The following ZFPM2 variants were observed in gnomAD, a reference collection of about 807,000 sequenced individuals.
ZFPM2 encodes the protein zinc finger protein ZFPM2.
A neutral mutation model predicts 98.6 loss-of-function variants in ZFPM2; 20 were observed. That is an observed-to-expected ratio of 0.20 (90% CI 0.14 to 0.29). ZFPM2 has a LOEUF of 0.29. Ranked by LOEUF, ZFPM2 falls within the 10% of genes least tolerant of loss-of-function variation. The pLI is 1.00. For missense variants in ZFPM2, 1,310 were observed against 1,388.6 expected (o/e 0.94, Z 0.90); for synonymous variants, 518 against 502.7 (o/e 1.03, Z -0.41).
At chr8:105,590,918 T>C (rs567039102) in intron 4 of ZFPM2, among the ~76,000 whole-genome samples, 5 of 152,316 alleles carry the variant, frequency 3.3e-5, no homozygotes, top group Non-Finnish European at 7.4e-5. Context: ...ATAGTATTAG[T>C]AGTTTGGGAC....
chr8:105,343,166 A>T lies in ZFPM2; in HGVS notation c.40+24185A>T, dbSNP rs537240773. On this transcript the variant is annotated intron_variant, in intron 1 of 7. Coordinates refer to ENST00000407775, the MANE Select transcript of ZFPM2 (RefSeq NM_012082.4). ...GATTTTGGTTTAAAAAATCAACTTT[A>T]TTAAGTACAGGATGGGAAAATGAAC... Among the ~76,000 whole-genome samples, 11 of 152,266 alleles carry T rather than the reference A, an allele frequency of 7.2e-5. No individual in the cohort carries two copies. The South Asian group carries it at 2.3e-3, about 32-fold the overall frequency.
intron 1 of ZFPM2, among the ~76,000 whole-genome samples, chr8:105,327,006 TA>T (rs200223447): frequency 2.2e-3 from 335 of 151,694 alleles, no homozygotes; most frequent in African/African-American, 7.5e-3. Context: ...AAATTATTTT[TA>T]AATGGGCATT....
At chr8:105,531,445 T>C (rs1419883747) in intron 3 of ZFPM2, among the ~76,000 whole-genome samples, 4 of 152,148 alleles carry the variant, frequency 2.6e-5, no homozygotes, top group Non-Finnish European at 4.4e-5. Context: ...TAGCATTCTC[T>C]GTGTGTCTTT....
At chr8:105,756,873 T>C (rs1812611910) in intron 5 of ZFPM2, among the ~76,000 whole-genome samples, 1 of 152,140 alleles carries the variant, frequency 6.6e-6, no homozygotes, top group African/African-American at 2.4e-5. Context: ...GAGAGACAGA[T>C]GTCGGGTGCA....
At chr8:105,644,567 TTCTC>T (rs1418656673) in intron 5 of ZFPM2, among the ~76,000 whole-genome samples, 1 of 152,036 alleles carries the variant, frequency 6.6e-6, no homozygotes, top group Non-Finnish European at 1.5e-5. Context: ...ATTTCTCTCT[TTCTC>T]TCCCTGTTTC....
intron 5 of ZFPM2, among the ~76,000 whole-genome samples, chr8:105,664,321 TTG>T (rs148523592): frequency 0.33 from 47,620 of 144,326 alleles, 8,507 homozygotes; most frequent in East Asian, 0.62. Context: ...CATAAAATTC[TTG>T]TGTGTGTGTG....
intron 5 of ZFPM2, among the ~76,000 whole-genome samples, chr8:105,636,559 C>G (rs974101671): frequency 1.3e-5 from 2 of 152,096 alleles, no homozygotes; most frequent in African/African-American, 4.8e-5. Flanking sequence ...AAAAGTTTAG[C>G]TGTGATGGCT....
intron 3 of ZFPM2, among the ~76,000 whole-genome samples, chr8:105,463,897 G>T (rs966679692): frequency 6.6e-6 from 1 of 151,992 alleles, no homozygotes; most frequent in African/African-American, 2.4e-5. Flanking sequence ...CCAACATATT[G>T]TAAGTGAACT....
chr8:105,649,694 C>T lies in ZFPM2; in HGVS notation c.532+15337C>T, dbSNP rs559461123. On this transcript the variant is annotated intron_variant, in intron 5 of 7. Coordinates refer to ENST00000407775, the MANE Select transcript of ZFPM2 (RefSeq NM_012082.4). Reference sequence around the variant, plus strand: ...ATGCTGGATTACATTTATTGATTTGCGTATGTTGAACCAGCCTTGCATCCC... The same window carrying T: ...ATGCTGGATTACATTTATTGATTTGTGTATGTTGAACCAGCCTTGCATCCC... Among the ~76,000 whole-genome samples, 19 of 152,196 alleles carry T rather than the reference C, an allele frequency of 1.2e-4. No homozygotes were observed. In the South Asian group the frequency reaches 1.5e-3, roughly 12 times the overall value.
intron 3 of ZFPM2, among the ~76,000 whole-genome samples, chr8:105,559,616 A>C (rs750546934): frequency 6.6e-6 from 1 of 152,174 alleles, no homozygotes; most frequent in Non-Finnish European, 1.5e-5. Context: ...CAATTTAACC[A>C]CTACCGAAAT....
intron 3 of ZFPM2, among the ~76,000 whole-genome samples, chr8:105,527,527 A>G (rs1814200701): frequency 6.6e-6 from 1 of 152,244 alleles, no homozygotes; most frequent in African/African-American, 2.4e-5. Context: ...CTCATGAAGC[A>G]GAGCTGAACC....
chr8:105,761,763 G>C (rs747843317), intron 5 of ZFPM2, among the ~76,000 whole-genome samples: 1 of 152,032 alleles, frequency 6.6e-6, no homozygotes, highest in South Asian at 2.1e-4. Flanking sequence ...TGGAAAGAAG[G>C]CTGCTTTACA....
chr8:105,473,281 C>T (rs537353211), intron 3 of ZFPM2, among the ~76,000 whole-genome samples: 2 of 152,098 alleles, frequency 1.3e-5, no homozygotes, highest in Non-Finnish European at 2.9e-5. Context: ...TTGTGGGGAC[C>T]TCATGCCAAC....
intron 4 of ZFPM2, among the ~76,000 whole-genome samples, chr8:105,633,398 AAC>A (rs1318520178): frequency 6.6e-6 from 1 of 152,200 alleles, no homozygotes; most frequent in African/African-American, 2.4e-5. Flanking sequence ...CTCATCGGGA[AAC>A]ACAGTCTTGC....
At chr8:105,648,041 G>T (rs1320878530) in intron 5 of ZFPM2, among the ~76,000 whole-genome samples, 5 of 152,038 alleles carry the variant, frequency 3.3e-5, no homozygotes, top group Non-Finnish European at 4.4e-5. Flanking sequence ...CAGCACCTGT[G>T]GTTTCCTGAC....
intron 5 of ZFPM2, among the ~76,000 whole-genome samples, chr8:105,711,284 A>G (rs1047222338): frequency 2.0e-5 from 3 of 152,048 alleles, no homozygotes; most frequent in Non-Finnish European, 2.9e-5. Flanking sequence ...ACTAACAGCT[A>G]TTGCTATCTT....
At chr8:105,441,470 G>GGAAGGAAGGAAGGAAGGAAGGAAGGA (rs1812243355) in intron 2 of ZFPM2, among the ~76,000 whole-genome samples, 1 of 68,668 alleles carries the variant, frequency 1.5e-5, no homozygotes, top group African/African-American at 1.3e-4. Context: ...AAGAAAGAAA[G>GGAAGGAAGGAAGGAAGGAAGGAAGGA]AAAGAAAGAA....
intron 3 of ZFPM2, among the ~76,000 whole-genome samples, chr8:105,461,389 A>G (rs1401660331): frequency 5.9e-5 from 9 of 152,192 alleles, no homozygotes; most frequent in Admixed American, 5.9e-4. Flanking sequence ...CCTGAAATTA[A>G]TAATTCTCCT....
intron 3 of ZFPM2, among the ~76,000 whole-genome samples, chr8:105,489,716 G>C (rs1007210431): frequency 4.6e-5 from 7 of 151,492 alleles, no homozygotes; most frequent in African/African-American, 1.7e-4. Flanking sequence ...CACCTGCCTT[G>C]GCTTCCCAAA....
Sources: allele counts gnomAD v4.1 joint callset (sites outside exome capture counted in the v4.1 genomes callset), GRCh38; gene constraint gnomAD v4.1.1; transcripts MANE v1.5; gene names NCBI Gene and HGNC (gene_info 2026-07-23, HGNC 2026-07-21).